The following PDCD11 variants were observed in gnomAD, a reference collection of about 807,000 sequenced individuals.
PDCD11 encodes the protein protein RRP5 homolog.
A neutral mutation model predicts 198.9 loss-of-function variants in PDCD11; 97 were observed. That is an observed-to-expected ratio of 0.49 (90% CI 0.41 to 0.58). PDCD11 has a LOEUF of 0.58. Ranked by LOEUF, PDCD11 falls within the 20% of genes least tolerant of loss-of-function variation. PDCD11 has a pLI of 0.00. For missense variants in PDCD11, 2,102 were observed against 2,312.7 expected (o/e 0.91, Z 1.87); for synonymous variants, 893 against 918.0 (o/e 0.97, Z 0.49).
chr10:103,411,622 C>G (rs1304454102), intron 8 of PDCD11, among the ~76,000 whole-genome samples: 1 of 152,086 alleles, frequency 6.6e-6, no homozygotes, highest in African/African-American at 2.4e-5. Context: ...CTGCCTAGGC[C>G]TCCTAAAGTG....
chr10:103,417,656 C>G, intron 13 of PDCD11, 136 bp from the exon 14 acceptor site: 5 of 888,944 alleles, frequency 5.6e-6, no homozygotes, highest in Non-Finnish European at 8.7e-6. Flanking sequence ...TGCATTTCTT[C>G]TTTTCACTGC....
At chr10:103,425,819 A>G (rs1463588466) in intron 20 of PDCD11, among the ~76,000 whole-genome samples, 4 of 152,068 alleles carry the variant, frequency 2.6e-5, no homozygotes, top group Non-Finnish European at 5.9e-5. Context: ...AGCTGGGACT[A>G]CAGGCACCCA....
At chr10:103,428,705 G>A (rs1392402225) in intron 21 of PDCD11, among the ~76,000 whole-genome samples, 1 of 152,186 alleles carries the variant, frequency 6.6e-6, no homozygotes, top group African/African-American at 2.4e-5. Flanking sequence ...GATCCTAAAT[G>A]GTTTTTGATC....
chr10:103,440,700 A>G, intron 29 of PDCD11, 34 bp from the exon 30 acceptor site: 3 of 1,613,702 alleles, frequency 1.9e-6, no homozygotes, highest in Non-Finnish European at 2.5e-6. Flanking sequence ...CTGCAGGAGG[A>G]TGCTCCTAGG....
intron 25 of PDCD11, among the ~76,000 whole-genome samples, chr10:103,435,231 T>C (rs1294293605): frequency 1.3e-5 from 2 of 152,144 alleles, no homozygotes; most frequent in Non-Finnish European, 2.9e-5. Context: ...ACTGTTTTTT[T>C]CTCATAGTTT....
Position 103,423,539 on chromosome 10 carries a change from G to A in PDCD11, c.2648-4G>A, listed in dbSNP as rs552912304. The A allele has an allele frequency of 6.2e-7, 1 of 1,605,114 alleles. No homozygotes were observed. Among genetic ancestry groups the A allele is most frequent in the South Asian group, 1.1e-5 (1 of 90,894 alleles). On this transcript the variant is annotated splice_polypyrimidine_tract_variant and splice_region_variant and intron_variant, in intron 18 of 35. Coordinates refer to ENST00000369797, the MANE Select transcript of PDCD11 (RefSeq NM_014976.2). ...GATAATCACACTGTGGTTCTGCACT[G>A]CAGGGCAGGAGGTGGAATCTGGGCA...
intron 13 of PDCD11, among the ~76,000 whole-genome samples, 180 bp downstream of exon 13, chr10:103,416,922 G>A (rs995660660): frequency 9.9e-5 from 15 of 152,176 alleles, no homozygotes; most frequent in Non-Finnish European, 1.5e-4. Flanking sequence ...GCCTCAGCGG[G>A]GTTCAGCAGA....
chr10:103,442,186 T>G, intron 31 of PDCD11, 27 bp from the exon 32 acceptor site: 1 of 1,611,834 alleles, frequency 6.2e-7, no homozygotes, highest in Admixed American at 1.7e-5. Context: ...AGCAGATGAC[T>G]CACGGTGTTT....
intron 19 of PDCD11, 129 bp downstream of exon 19, chr10:103,423,787 C>T (rs908678212): frequency 4.5e-6 from 3 of 664,534 alleles, no homozygotes; most frequent in Admixed American, 2.4e-5. Context: ...ATCCAGGACA[C>T]CCCCGGTTTA....
intron 15 of PDCD11, among the ~76,000 whole-genome samples, chr10:103,419,254 G>C (rs1414342391): frequency 6.6e-6 from 1 of 152,100 alleles, no homozygotes; most frequent in East Asian, 1.9e-4. Flanking sequence ...TAGTGAATCG[G>C]GAATGGAATA....
chr10:103,421,157 A>C (rs926354465), intron 16 of PDCD11, among the ~76,000 whole-genome samples, 191 bp from the exon 17 acceptor site: 1 of 152,064 alleles, frequency 6.6e-6, no homozygotes, highest in Non-Finnish European at 1.5e-5. Context: ...TACAGGCGTG[A>C]GCCACTGCTC....
intron 16 of PDCD11, among the ~76,000 whole-genome samples, chr10:103,420,611 A>C (rs1017926105): frequency 1.3e-5 from 2 of 152,172 alleles, no homozygotes; most frequent in African/African-American, 4.8e-5. Flanking sequence ...CAGATCATTC[A>C]TCAGTATTTC....
chr10:103,444,594 A>G lies in PDCD11; in HGVS notation c.5356A>G (p.Asn1786Asp). The G allele has an allele frequency of 6.2e-7, 1 of 1,614,162 alleles. No homozygotes were observed. Among genetic ancestry groups the G allele is most frequent in the Non-Finnish European group, 8.5e-7 (1 of 1,180,016 alleles). The stretch of plus-strand genomic sequence containing the variant: ...AGAGCGGGCCAAAGCCATTTTTGAG[A>G]ACACGCTGAGCACCTACCCAAAGCG... ...DAERAKAIFE[N>D]TLSTYPKRTD... The change falls in exon 35 of 36, where the codon AAC (asparagine) becomes GAC (aspartate). Residue 1786 changes from asparagine to aspartate, a missense_variant. By Grantham distance (23) the Asn-to-Asp change is conservative (BLOSUM62 1). Transcript: ENST00000369797.
chr10:103,408,169 G>A (rs2030575707), intron 7 of PDCD11, among the ~76,000 whole-genome samples: 1 of 151,734 alleles, frequency 6.6e-6, no homozygotes, highest in South Asian at 2.1e-4. Context: ...AACCCTTTAA[G>A]TAAACTACTA....
intron 7 of PDCD11, among the ~76,000 whole-genome samples, chr10:103,407,456 G>A (rs1036388412): frequency 7.2e-5 from 11 of 151,964 alleles, no homozygotes; most frequent in Non-Finnish European, 1.2e-4. Context: ...CCAGCTACTC[G>A]GGAGGCTGAG....
In PDCD11 at chr10:103,421,576, C is replaced by T. The variant is rs764897045; in HGVS notation, c.2497+9C>T. 9 of 1,550,726 alleles carry T rather than the reference C, an allele frequency of 5.8e-6. No individual in the cohort carries two copies. The highest frequency in any genetic ancestry group is 1.4e-5 in the African/African-American group (1 of 73,404). On this transcript the variant is annotated intron_variant, in intron 17 of 35. Transcript: ENST00000369797. ...CCTTATGAGCAACCGAGGTGGGGCA[C>T]CTGTGGGGCAGGGGAGGTGGGCCAG...
At chr10:103,439,685 G>T in intron 27 of PDCD11, 61 bp from the exon 28 acceptor site, 2 of 1,605,812 alleles carry the variant, frequency 1.2e-6, no homozygotes, top group South Asian at 1.1e-5. Flanking sequence ...AAGTCCCGAG[G>T]CCTGGTTGGA....
intron 21 of PDCD11, among the ~76,000 whole-genome samples, chr10:103,429,809 TC>T (rs1442909486): frequency 6.6e-6 from 1 of 152,116 alleles, no homozygotes; most frequent in Non-Finnish European, 1.5e-5. Flanking sequence ...CTCCCTCTCT[TC>T]CGCCCCGGCA....
chr10:103,435,053 A>T, intron 25 of PDCD11, 78 bp downstream of exon 25: 1 of 1,080,288 alleles, frequency 9.3e-7, no homozygotes, highest in Non-Finnish European at 1.3e-6. Flanking sequence ...GTAATACATG[A>T]CTTTTTATCA....
Sources: allele counts gnomAD v4.1 joint callset (sites outside exome capture counted in the v4.1 genomes callset), GRCh38; gene constraint gnomAD v4.1.1; transcripts MANE v1.5; gene names NCBI Gene and HGNC (gene_info 2026-07-23, HGNC 2026-07-21).